Variants in MGME1 observed in about 807,000 individuals in gnomAD.
The protein encoded by MGME1 is mitochondrial genome maintenance exonuclease 1, also known as chromosome 20 open reading frame 72.
In MGME1, 22 loss-of-function variants were observed where a neutral mutation model predicts 33.0. That is an observed-to-expected ratio of 0.67 (90% confidence interval 0.48 to 0.95). The LOEUF is 0.95. Among genes scored for constraint, MGME1 ranks in the 40% least tolerant of loss-of-function variants. MGME1 has a pLI of 0.00. For missense variants in MGME1, 383 were observed against 397.8 expected, an observed-to-expected ratio of 0.96 and a Z score of 0.32; for synonymous variants, 133 against 144.0, an observed-to-expected ratio of 0.92 and a Z score of 0.55.
intron 3 of MGME1, among the ~76,000 whole-genome samples, chr20:17,987,574 T>C (rs979473546): frequency 6.6e-6 from 1 of 152,170 alleles, no homozygotes; most frequent in African/African-American, 2.4e-5. Context: ...TCTTTTCCGA[T>C]GTGGCTACTA....
chr20:17,980,708 C>T (rs1206392257), intron 3 of MGME1, among the ~76,000 whole-genome samples: 1 of 151,374 alleles, frequency 6.6e-6, no homozygotes, highest in Non-Finnish European at 1.5e-5. Flanking sequence ...ACTTGGGAGG[C>T]TGAGGCAGGA....
At chr20:17,977,827 C>T (rs965645409) in intron 3 of MGME1, among the ~76,000 whole-genome samples, 3 of 152,184 alleles carry the variant, frequency 2.0e-5, no homozygotes, top group Non-Finnish European at 2.9e-5. Flanking sequence ...GGCCCAGCCT[C>T]ACTTTCCTAG....
chr20:17,971,141 T>C (rs1368260937), intron 2 of MGME1, among the ~76,000 whole-genome samples: 1 of 152,250 alleles, frequency 6.6e-6, no homozygotes, highest in Non-Finnish European at 1.5e-5. Context: ...AATAGTGTAC[T>C]GACCCTTGCC....
chr20:17,982,245 CAA>C (rs561412318), intron 3 of MGME1, among the ~76,000 whole-genome samples: 74 of 152,312 alleles, frequency 4.9e-4, no homozygotes, highest in Middle Eastern at 3.4e-3. Context: ...CTTGTACTCC[CAA>C]GTGGCTGAGA....
chr20:17,968,850 G>A (rs1218682608), upstream of MGME1: 3 of 180,928 alleles, frequency 1.7e-5, no homozygotes, highest in Admixed American at 1.3e-4. Flanking sequence ...AGATGGCAGC[G>A]AGCGCTGACG....
At chr20:17,989,451 G>A (rs968236987) in intron 4 of MGME1, among the ~76,000 whole-genome samples, 2 of 150,818 alleles carry the variant, frequency 1.3e-5, no homozygotes, top group African/African-American at 4.9e-5. Flanking sequence ...GGTGGCTCAT[G>A]CCTGTAATCC....
At chr20:17,978,241 G>T (rs1307728632) in intron 3 of MGME1, among the ~76,000 whole-genome samples, 1 of 152,120 alleles carries the variant, frequency 6.6e-6, no homozygotes, top group Non-Finnish European at 1.5e-5. Context: ...TTTCACTCTT[G>T]TTGCCCAGGT....
At chr20:17,969,681 C>G (rs1362603728) in intron 1 of MGME1, 120 bp from the exon 2 acceptor site, 2 of 607,442 alleles carry the variant, frequency 3.3e-6, no homozygotes, top group Non-Finnish European at 5.5e-6. Flanking sequence ...GGCAGGGTCT[C>G]GCTCTGTCGA....
intron 2 of MGME1, among the ~76,000 whole-genome samples, chr20:17,973,555 T>C (rs988173422): frequency 1.3e-5 from 2 of 151,966 alleles, no homozygotes; most frequent in Non-Finnish European, 1.5e-5. Context: ...GACAGGAGGA[T>C]TGCTTAAGGC....
At chr20:17,985,596 C>T (rs2036135400) in intron 3 of MGME1, among the ~76,000 whole-genome samples, 1 of 152,210 alleles carries the variant, frequency 6.6e-6, no homozygotes. Context: ...ACTCACCGCT[C>T]ACTCACTCAA....
chr20:17,970,028 C>G lies in MGME1; in HGVS notation c.169C>G (p.Gln57Glu), dbSNP rs200830457. Residue 57 changes from glutamine to glutamate, a missense_variant, in exon 2 of 5, where the codon CAG becomes GAG. Coordinates refer to ENST00000377710, the MANE Select transcript of MGME1 (RefSeq NM_052865.4). ...CCAAGAAAAATACTCTAATTTAGTT[C>G]AGTCTGTCTTGTCATCCAGAGGCGT... ...VDQEKYSNLV[Q>E]SVLSSRGVAQ... is the part of the protein sequence containing the mutation. 1 of 1,614,168 alleles carries G rather than the reference C, an allele frequency of 6.2e-7. No individual in the cohort carries two copies. The highest frequency in any genetic ancestry group is 1.3e-5 in the African/African-American group (1 of 75,032).
intron 3 of MGME1, among the ~76,000 whole-genome samples, chr20:17,976,583 C>T (rs1471715794): frequency 6.6e-6 from 1 of 152,238 alleles, no homozygotes; most frequent in East Asian, 1.9e-4. Context: ...ATCAACTCTT[C>T]CTGGCTTCCA....
intron 3 of MGME1, among the ~76,000 whole-genome samples, chr20:17,986,018 G>A (rs186709175): frequency 1.4e-4 from 20 of 146,168 alleles, no homozygotes; most frequent in Admixed American, 2.7e-4. Flanking sequence ...TTGTGGTTCC[G>A]TGTTAATTTT....
chr20:17,987,267 C>T (rs7360579), intron 3 of MGME1, among the ~76,000 whole-genome samples: 41,924 of 151,268 alleles, frequency 0.28, 6,070 homozygotes, highest in East Asian at 0.43. Context: ...GGCAATATTA[C>T]AAAACAATTC....
chr20:17,968,723 C>T (rs1600369230), upstream of MGME1: 1 of 431,824 alleles, frequency 2.3e-6, no homozygotes, highest in Admixed American at 4.2e-5. Context: ...CACGAGGAGG[C>T]CGCCAACCGC....
chr20:17,989,207 G>A (rs529799834), intron 4 of MGME1, among the ~76,000 whole-genome samples: 12 of 151,512 alleles, frequency 7.9e-5, no homozygotes, highest in Middle Eastern at 3.4e-3. Flanking sequence ...CTGACATGGC[G>A]AAACCCTGTC....
intron 3 of MGME1, among the ~76,000 whole-genome samples, chr20:17,985,612 C>G (rs1033601133): frequency 1.3e-5 from 2 of 152,214 alleles, no homozygotes; most frequent in Non-Finnish European, 2.9e-5. Flanking sequence ...CTCAATCACC[C>G]AGAGCAACTT....
At chr20:17,969,607 C>G (rs1000425674) in intron 1 of MGME1, among the ~76,000 whole-genome samples, 194 bp from the exon 2 acceptor site, 5 of 152,156 alleles carry the variant, frequency 3.3e-5, no homozygotes, top group Non-Finnish European at 7.3e-5. Flanking sequence ...TCTACTAATT[C>G]GCATTTAGTA....
At chr20:17,984,408 A>G (rs2036104804) in intron 3 of MGME1, among the ~76,000 whole-genome samples, 1 of 152,192 alleles carries the variant, frequency 6.6e-6, no homozygotes, top group South Asian at 2.1e-4. Context: ...AAAAACTCCT[A>G]TCATCTAGTG....
Sources: gnomAD v4.1 joint callset for allele counts (sites outside exome capture counted in the v4.1 genomes callset) on GRCh38, gnomAD v4.1.1 for gene constraint, MANE v1.5 for transcripts, NCBI Gene and HGNC (gene_info 2026-07-23, HGNC 2026-07-21) for gene names.